COG5: variants seen among roughly 807,000 people sequenced by gnomAD.
COG5 encodes component of oligomeric golgi complex 5.
A neutral mutation model predicts 110.4 loss-of-function variants in COG5; 86 were observed. The observed-to-expected ratio is 0.78, with a 90% CI of 0.65 to 0.93. The LOEUF is 0.93. Ranked by LOEUF, COG5 falls within the 40% of genes least tolerant of loss-of-function variation. The pLI, the probability that COG5 is intolerant of heterozygous loss-of-function variation, is 0.00. For synonymous variants in COG5, 360 were observed against 334.6 expected (o/e 1.08, Z -0.83); for missense variants, 1,077 against 987.0 (o/e 1.09, Z -1.22).
At chr7:107,213,371 C>T (rs557667965) in intron 19 of COG5, among the ~76,000 whole-genome samples, 4 of 152,272 alleles carry the variant, frequency 2.6e-5, no homozygotes, top group Non-Finnish European at 4.4e-5. Flanking sequence ...AGTGGCTCCA[C>T]CTAGTGTCAG....
At chr7:107,219,622 T>C (rs2116290206) in intron 19 of COG5, among the ~76,000 whole-genome samples, 1 of 152,220 alleles carries the variant, frequency 6.6e-6, no homozygotes. Flanking sequence ...ATTTGTGGGA[T>C]CTTAAACAAT....
At chr7:107,533,311 G>C (rs547456551) in intron 5 of COG5, among the ~76,000 whole-genome samples, 1 of 151,680 alleles carries the variant, frequency 6.6e-6, no homozygotes, top group African/African-American at 2.4e-5. Flanking sequence ...AGTGGATGGG[G>C]AATCAGTTTG....
chr7:107,291,660 C>T (rs1289445138), intron 12 of COG5, among the ~76,000 whole-genome samples: 1 of 152,156 alleles, frequency 6.6e-6, no homozygotes, highest in Non-Finnish European at 1.5e-5. Flanking sequence ...GACTGCTCTA[C>T]ATTTTCAACA....
At chr7:107,291,931 A>G (rs535054405) in intron 12 of COG5, among the ~76,000 whole-genome samples, 76 of 152,306 alleles carry the variant, frequency 5.0e-4, no homozygotes, top group Non-Finnish European at 8.4e-4. Context: ...AAACTTCTCC[A>G]GGTTCAGTTG....
At chr7:107,267,756 A>C (rs1462343940) in intron 14 of COG5, among the ~76,000 whole-genome samples, 1 of 152,144 alleles carries the variant, frequency 6.6e-6, no homozygotes, top group Non-Finnish European at 1.5e-5. Flanking sequence ...ACAATTTAAA[A>C]AAAATAACTG....
intron 6 of COG5, among the ~76,000 whole-genome samples, chr7:107,504,383 G>A (rs2129138469): frequency 6.6e-6 from 1 of 152,258 alleles, no homozygotes; most frequent in Admixed American, 6.5e-5. Flanking sequence ...TTGATGTGAT[G>A]TTGGATTTGG....
In COG5 at chr7:107,223,361, T is replaced by C. The variant is rs140463514; in HGVS notation, c.2168+7254A>G. Among the ~76,000 whole-genome samples the C allele has an allele frequency of 4.4e-3, 675 of 152,278 alleles. 3 individuals carry two copies. The highest frequency in any genetic ancestry group is 0.015 in the African/African-American group (644 of 41,554). The stretch of plus-strand genomic sequence containing the variant: ...GCCTAGTTTGTGGCACGAGGGGCCA[T>C]GTGGGTCCCAGGAGAGAATGAAGCA... On this transcript the variant is annotated intron_variant, in intron 19 of 21. Coordinates refer to ENST00000297135, the MANE Select transcript of COG5 (RefSeq NM_006348.5).
intron 17 of COG5, among the ~76,000 whole-genome samples, chr7:107,247,532 C>A (rs763949184): frequency 2.0e-5 from 3 of 152,086 alleles, no homozygotes; most frequent in Non-Finnish European, 4.4e-5. Flanking sequence ...AGAAACAGGA[C>A]TGCTCAAAAA....
At chr7:107,420,021 C>T (rs1793167706) in intron 6 of COG5, among the ~76,000 whole-genome samples, 1 of 152,108 alleles carries the variant, frequency 6.6e-6, no homozygotes, top group African/African-American at 2.4e-5. Flanking sequence ...AGTAAATATT[C>T]ACTGAAACAT....
chr7:107,418,580 C>G (rs950765313), intron 6 of COG5, among the ~76,000 whole-genome samples: 4 of 136,920 alleles, frequency 2.9e-5, no homozygotes, highest in African/African-American at 1.1e-4. Context: ...CATCCACACA[C>G]AGACACATAA....
chr7:107,457,578 G>T (rs373109181), intron 6 of COG5, among the ~76,000 whole-genome samples: 1 of 151,854 alleles, frequency 6.6e-6, no homozygotes, highest in African/African-American at 2.4e-5. Context: ...ACAGGTGCCC[G>T]CCACCATGCC....
At position 107,436,580 on chromosome 7, in the gene COG5, T is replaced by C. The variant is rs79340623; in HGVS notation, c.539-23948A>G. ...TACTGAATGCCATAAAACTACATAC[T>C]TAAAATTGGTTAAAATAGCAAATTT... On this transcript the variant is annotated intron_variant, in intron 6 of 21. Coordinates refer to ENST00000297135, the MANE Select transcript of COG5 (RefSeq NM_006348.5). 4.5e-3 allele frequency among the ~76,000 whole-genome samples: 691 copies of C among 152,300 alleles called. 6 individuals carry two copies. The highest frequency in any genetic ancestry group is 0.016 in the African/African-American group (668 of 41,568).
At chr7:107,210,294 T>C (rs1799069079) in intron 21 of COG5, 2 of 1,415,116 alleles carry the variant, frequency 1.4e-6, no homozygotes, top group Admixed American at 5.8e-5. Context: ...GGACACAGGA[T>C]TGCACATCAG....
chr7:107,244,862 C>T (rs1313120174), intron 17 of COG5, among the ~76,000 whole-genome samples: 1 of 152,076 alleles, frequency 6.6e-6, no homozygotes, highest in Non-Finnish European at 1.5e-5. Flanking sequence ...CTGAATTTTA[C>T]CATATGTAAA....
At chr7:107,550,628 C>G (rs77307487) in intron 3 of COG5, among the ~76,000 whole-genome samples, 3,403 of 152,234 alleles carry the variant, frequency 0.022, 59 homozygotes, top group Non-Finnish European at 0.035. Context: ...CAAACGTCAT[C>G]TTCTCAAAAA....
At chr7:107,302,489 A>G (rs1322435251) in intron 11 of COG5, among the ~76,000 whole-genome samples, 1 of 152,294 alleles carries the variant, frequency 6.6e-6, no homozygotes, top group East Asian at 1.9e-4. Context: ...ATGTCAAAAC[A>G]TATCAAATTG....
intron 7 of COG5, among the ~76,000 whole-genome samples, chr7:107,391,841 T>C (rs1159884350): frequency 1.3e-5 from 2 of 152,076 alleles, no homozygotes; most frequent in African/African-American, 2.4e-5. Context: ...CCTGTAATCG[T>C]AGCACTTTGG....
chr7:107,558,720 A>C (rs1439953156), intron 1 of COG5, among the ~76,000 whole-genome samples: 1 of 151,452 alleles, frequency 6.6e-6, no homozygotes, highest in African/African-American at 2.4e-5. Flanking sequence ...CCCCGTCTCT[A>C]CTAAAAATAT....
At chr7:107,494,931 T>G (rs116266216) in intron 6 of COG5, among the ~76,000 whole-genome samples, 1 of 152,098 alleles carries the variant, frequency 6.6e-6, no homozygotes, top group African/African-American at 2.4e-5. Flanking sequence ...GAGGGGTCAG[T>G]GGGTGGAATC....
Sources: allele counts gnomAD v4.1 joint callset (sites outside exome capture counted in the v4.1 genomes callset), GRCh38; gene constraint gnomAD v4.1.1; transcripts MANE v1.5; gene names NCBI Gene and HGNC (gene_info 2026-07-23, HGNC 2026-07-21).